PPARGC1A: variants seen among roughly 807,000 people sequenced by gnomAD.
The protein encoded by PPARGC1A is PPARG coactivator 1 alpha, also known as peroxisome proliferator-activated receptor gamma coactivator 1-alpha.
Under a neutral mutation model 88.7 loss-of-function variants are expected in PPARGC1A, and 25 were observed. That is an observed-to-expected ratio of 0.28 (90% CI 0.21 to 0.39). PPARGC1A has a LOEUF of 0.39. Among genes scored for constraint, PPARGC1A ranks in the 10% least tolerant of loss-of-function variants. The pLI is 1.00. For missense variants in PPARGC1A, 880 were observed against 968.7 expected, an observed-to-expected ratio of 0.91 and a Z score of 1.22; for synonymous variants, 363 against 355.6, an observed-to-expected ratio of 1.02 and a Z score of -0.24.
At chr4:24,234,372 C>CT in the PPARGC1A span, among the ~76,000 whole-genome samples, 1 of 152,132 alleles carries the variant, frequency 6.6e-6, no homozygotes, top group Non-Finnish European at 1.5e-5. Flanking sequence ...GGAAAAAATA[C>CT]TTTTTCCAGT....
At chr4:24,400,004 C>T in the PPARGC1A span, among the ~76,000 whole-genome samples, 15 of 134,318 alleles carry the variant, frequency 1.1e-4, no homozygotes, top group East Asian at 2.7e-3. Context: ...CAGGCTGGTC[C>T]GAACTCCTGA....
At chr4:24,409,137 TG>T in the PPARGC1A span, among the ~76,000 whole-genome samples, 1 of 152,342 alleles carries the variant, frequency 6.6e-6, no homozygotes, top group South Asian at 2.1e-4. Flanking sequence ...AATAAAAAGT[TG>T]TTTTTTTAAG....
At chr4:23,939,660 T>C in the PPARGC1A span, among the ~76,000 whole-genome samples, 2 of 152,194 alleles carry the variant, frequency 1.3e-5, no homozygotes, top group East Asian at 3.9e-4. Flanking sequence ...GCCACAAACT[T>C]AGAAGTTATA....
chr4:24,470,277 GACACACACACACACAC>G, the PPARGC1A span, among the ~76,000 whole-genome samples: 7 of 110,676 alleles, frequency 6.3e-5, no homozygotes, highest in South Asian at 3.4e-4. The surrounding 1 kb of genome is among the most constrained non-coding windows in gnomAD (Gnocchi z 5.8). Flanking sequence ...GACAGACACA[GACACACACACACACAC>G]ACACACACAC....
In PPARGC1A at chr4:23,824,342, C is replaced by A. The variant is rs940315643; in HGVS notation, c.815G>T (p.Gly272Val). Residue 272 changes from glycine (G) to valine (V), a missense_variant, in exon 7 of 13, where the codon GGT (glycine) becomes GTT (valine). Physicochemically the swap from Gly to Val is moderately radical, Grantham distance 109 (BLOSUM62 -3). Transcript: ENST00000264867. ...LTPESPNDPKGSPFENKTIER... is the reference protein window; with the variant it reads ...LTPESPNDPKVSPFENKTIER... ...AATAGTCTTGTTCTCAAATGGGGAA[C>A]CCTTGGGGTCACTGGAAGATATGGC... is the stretch of plus-strand genomic sequence containing the variant. 2 of 1,613,264 alleles carry A rather than the reference C, an allele frequency of 1.2e-6. No individual in the cohort carries two copies. The highest frequency in any genetic ancestry group is 1.3e-5 in the African/African-American group (1 of 74,792).
the PPARGC1A span, among the ~76,000 whole-genome samples, chr4:24,138,389 A>G: frequency 6.6e-6 from 1 of 152,212 alleles, no homozygotes; most frequent in African/African-American, 2.4e-5. Flanking sequence ...ACACAGTCCA[A>G]TTGCAGTGAA....
the PPARGC1A span, among the ~76,000 whole-genome samples, chr4:24,318,990 G>GAAAC: frequency 2.0e-5 from 3 of 152,016 alleles, no homozygotes; most frequent in South Asian, 2.1e-4. Flanking sequence ...ACCAAAAAGA[G>GAAAC]AAACAAACAA....
At chr4:24,225,529 CA>C in the PPARGC1A span, among the ~76,000 whole-genome samples, 43 of 101,048 alleles carry the variant, frequency 4.3e-4, no homozygotes, top group Admixed American at 6.9e-4. Context: ...GACTCCGTCT[CA>C]AAAAAAAAAC....
At chr4:23,845,275 T>C (rs1486632565) in intron 2 of PPARGC1A, among the ~76,000 whole-genome samples, 1 of 152,134 alleles carries the variant, frequency 6.6e-6, no homozygotes, top group Non-Finnish European at 1.5e-5. Context: ...CTGTGAGTTC[T>C]CTATAAGATA....
chr4:24,360,932 T>C, the PPARGC1A span, among the ~76,000 whole-genome samples: 2 of 152,164 alleles, frequency 1.3e-5, no homozygotes, highest in African/African-American at 4.8e-5. Flanking sequence ...AAGAATTCAA[T>C]AAAATATTAG....
At chr4:24,442,331 T>C in the PPARGC1A span, among the ~76,000 whole-genome samples, 1 of 152,222 alleles carries the variant, frequency 6.6e-6, no homozygotes, top group South Asian at 2.1e-4. Context: ...GTTGCTGAGC[T>C]AATCTAAAAC....
the PPARGC1A span, among the ~76,000 whole-genome samples, chr4:24,322,544 AGTGTGTGTGT>A: frequency 7.2e-5 from 11 of 152,156 alleles, no homozygotes; most frequent in African/African-American, 2.4e-4. Context: ...TGTGTATGTG[AGTGTGTGTGT>A]GCAGGGATGA....
the PPARGC1A span, among the ~76,000 whole-genome samples, chr4:24,452,204 C>T: frequency 1.3e-5 from 2 of 152,092 alleles, no homozygotes; most frequent in South Asian, 4.1e-4. Flanking sequence ...TCTATAATTG[C>T]ATGAACCAAT....
the PPARGC1A span, among the ~76,000 whole-genome samples, chr4:24,264,055 T>C: frequency 1.3e-5 from 2 of 152,178 alleles, no homozygotes; most frequent in African/African-American, 4.8e-5. Flanking sequence ...CCAGCTCTTA[T>C]GATTTTCTTA....
At chr4:23,982,252 T>C in the PPARGC1A span, among the ~76,000 whole-genome samples, 1 of 152,306 alleles carries the variant, frequency 6.6e-6, no homozygotes, top group South Asian at 2.1e-4. Context: ...TTGTTTCACA[T>C]AACAGTTCAA....
chr4:24,348,061 A>G, the PPARGC1A span, among the ~76,000 whole-genome samples: 1 of 152,154 alleles, frequency 6.6e-6, no homozygotes, highest in African/African-American at 2.4e-5. Flanking sequence ...TCTGTCATAT[A>G]TGATGCTTAG....
chr4:23,801,814 T>A lies in PPARGC1A; in HGVS notation c.2209A>T (p.Thr737Ser). ...TCAGTTTCGTTTGACCTGCGCAAAG[T>A]GTATCCATTTTCAAGAGCAGCAAAA... ...DAFAALENGY[T>S]LRRSNETDFE... The change falls in exon 12 of 13, where the codon ACT (threonine) becomes TCT (serine). Residue 737 changes from threonine (T) to serine (S), a missense_variant. Physicochemically the swap from Thr to Ser is moderately conservative, Grantham distance 58 (BLOSUM62 1). Coordinates refer to ENST00000264867, the MANE Select transcript of PPARGC1A (RefSeq NM_013261.5). 1 of 1,613,986 alleles carries A rather than the reference T, an allele frequency of 6.2e-7. No individual in the cohort carries two copies. Among genetic ancestry groups the A allele is most frequent in the Non-Finnish European group, 8.5e-7 (1 of 1,179,962 alleles).
intron 1 of PPARGC1A, among the ~76,000 whole-genome samples, chr4:23,896,525 C>T (rs1466100489): frequency 6.6e-6 from 1 of 152,146 alleles, no homozygotes; most frequent in African/African-American, 2.4e-5. Flanking sequence ...AAGTTAGTAC[C>T]TGGTATACTT....
At chr4:24,382,785 G>T in the PPARGC1A span, among the ~76,000 whole-genome samples, 1 of 152,214 alleles carries the variant, frequency 6.6e-6, no homozygotes, top group African/African-American at 2.4e-5. Context: ...AGAGCACCTG[G>T]GGGAAGGGGT....
Sources: gnomAD v4.1 joint callset for allele counts (sites outside exome capture counted in the v4.1 genomes callset) on GRCh38, gnomAD v4.1.1 for gene constraint, Gnocchi (gnomAD v3.1) non-coding constraint, MANE v1.5 for transcripts, NCBI Gene and HGNC (gene_info 2026-07-23, HGNC 2026-07-21) for gene names.